The following DLG2 variants were observed in gnomAD, a reference collection of about 807,000 sequenced individuals.
DLG2 encodes the protein discs large MAGUK scaffold protein 2, also known as disks large homolog 2.
Under a neutral mutation model 132.5 loss-of-function variants are expected in DLG2, and 45 were observed. The ratio of observed to expected loss-of-function variants is 0.34; its 90% CI spans 0.27 to 0.44. DLG2 has a LOEUF of 0.44. Ranked by LOEUF, DLG2 falls within the 20% of genes least tolerant of loss-of-function variation. The pLI, the probability that DLG2 is intolerant of heterozygous loss-of-function variation, is 1.00. For missense variants in DLG2, 1,045 were observed against 1,196.9 expected, an observed-to-expected ratio of 0.87 and a Z score of 1.87; for synonymous variants, 424 against 419.6, an observed-to-expected ratio of 1.01 and a Z score of -0.13.
chr11:85,459,314 G>C (rs568272129), intron 3 of DLG2, among the ~76,000 whole-genome samples: 1 of 152,176 alleles, frequency 6.6e-6, no homozygotes, highest in Non-Finnish European at 1.5e-5. Context: ...GGCTCTGCTT[G>C]TTGAGGAGTG....
At chr11:84,771,857 TA>T (rs57186584) in intron 6 of DLG2, among the ~76,000 whole-genome samples, 1 of 150,614 alleles carries the variant, frequency 6.6e-6, no homozygotes, top group Non-Finnish European at 1.5e-5. Flanking sequence ...CAAGTTGGGT[TA>T]AAAAAAAAGA....
intron 3 of DLG2, among the ~76,000 whole-genome samples, chr11:85,313,045 T>C (rs2080416358): frequency 6.6e-6 from 1 of 151,978 alleles, no homozygotes; most frequent in African/African-American, 2.4e-5. Flanking sequence ...TTATGGCTTT[T>C]GAGACGAGAC....
intron 6 of DLG2, among the ~76,000 whole-genome samples, chr11:84,684,209 A>T (rs2153712146): frequency 6.6e-6 from 1 of 152,322 alleles, no homozygotes; most frequent in South Asian, 2.1e-4. Context: ...ATCTGAAATG[A>T]CAAGCTGAGT....
chr11:83,867,626 A>T (rs988564199), intron 16 of DLG2, among the ~76,000 whole-genome samples: 1 of 152,152 alleles, frequency 6.6e-6, no homozygotes, highest in South Asian at 2.1e-4. Context: ...TATTTTTGCT[A>T]TTTTGTTAGT....
chr11:85,420,474 C>T (rs1336147119), intron 3 of DLG2, among the ~76,000 whole-genome samples: 2 of 152,194 alleles, frequency 1.3e-5, no homozygotes, highest in African/African-American at 4.8e-5. Flanking sequence ...GGGAGATCCA[C>T]TGCTATCTTC....
chr11:85,022,362 C>T (rs541599720), intron 6 of DLG2, among the ~76,000 whole-genome samples: 1 of 152,052 alleles, frequency 6.6e-6, no homozygotes, highest in African/African-American at 2.4e-5. Flanking sequence ...TCTCACAGAT[C>T]TAATGAAGAC....
intron 8 of DLG2, among the ~76,000 whole-genome samples, chr11:84,246,056 C>T (rs778522540): frequency 1.2e-3 from 180 of 152,304 alleles, no homozygotes; most frequent in Middle Eastern, 0.01. Context: ...TAGCTACTGT[C>T]CCACCTCCTG....
At chr11:84,950,663 C>A (rs2050795432) in intron 6 of DLG2, among the ~76,000 whole-genome samples, 1 of 152,020 alleles carries the variant, frequency 6.6e-6, no homozygotes, top group Non-Finnish European at 1.5e-5. Context: ...GAGTCAGTTT[C>A]TTTGCTCTTG....
intron 7 of DLG2, among the ~76,000 whole-genome samples, chr11:84,402,300 C>T (rs1180288989): frequency 1.3e-5 from 2 of 152,114 alleles, no homozygotes; most frequent in Non-Finnish European, 2.9e-5. Context: ...CAATCCTCTA[C>T]CACAGTGAGG....
intron 7 of DLG2, among the ~76,000 whole-genome samples, chr11:84,285,992 A>T (rs2097905966): frequency 6.6e-6 from 1 of 152,202 alleles, no homozygotes. Flanking sequence ...GGTAGAAGAC[A>T]CACTGAGTGG....
chr11:84,030,299 C>T (rs1156344735), intron 11 of DLG2, among the ~76,000 whole-genome samples: 1 of 152,046 alleles, frequency 6.6e-6, no homozygotes, highest in Non-Finnish European at 1.5e-5. Context: ...TTTGAAAGAA[C>T]AAATTAACAT....
intron 7 of DLG2, among the ~76,000 whole-genome samples, chr11:84,436,678 T>C (rs2099001787): frequency 1.3e-5 from 2 of 152,256 alleles, no homozygotes; most frequent in South Asian, 2.1e-4. Flanking sequence ...GCATGTAATA[T>C]ACCTTAGGAC....
At chr11:84,737,059 TTTTTGTTTTG>T (rs971102006) in intron 6 of DLG2, among the ~76,000 whole-genome samples, 4 of 151,808 alleles carry the variant, frequency 2.6e-5, no homozygotes, top group African/African-American at 7.3e-5. Context: ...TTGCCAAGAG[TTTTTGTTTTG>T]TTTTGTTTTG....
rs1383072366 is a variant in DLG2, at chr11:84,059,429, T to A, written c.805A>T (p.Ser269Cys). 5.6e-6 allele frequency: 9 copies of A among 1,613,210 alleles called. No homozygotes were observed. The African/African-American group carries it at 1.2e-4, about 22-fold the overall frequency. Residue 269 changes from serine to cysteine, a missense_variant, in exon 11 of 28, where the codon AGT (serine) becomes TGT (cysteine). This residue lies in a region of DLG2 where 109 missense variants were observed against 159.1 expected (regional missense o/e 0.69). Coordinates refer to ENST00000376104, the MANE Select transcript of DLG2 (RefSeq NM_001142699.3). Reference protein sequence around the residue: ...NEVDVSEVSHSKAVEALKEAG... With the variant: ...NEVDVSEVSHCKAVEALKEAG... ...TCCTTCAGGGCTTCCACCGCTTTACTGTGGGAAACCTCTGACACATCAACC... is the reference window on the plus strand; with the variant it reads ...TCCTTCAGGGCTTCCACCGCTTTACAGTGGGAAACCTCTGACACATCAACC...
At chr11:85,153,499 G>A (rs2077399436) in intron 5 of DLG2, among the ~76,000 whole-genome samples, 2 of 151,908 alleles carry the variant, frequency 1.3e-5, no homozygotes, top group Admixed American at 6.6e-5. Flanking sequence ...AATTTTCATT[G>A]TTTCTCACTA....
chr11:84,393,981 G>A (rs1262932558), intron 7 of DLG2, among the ~76,000 whole-genome samples: 3 of 152,082 alleles, frequency 2.0e-5, no homozygotes, highest in Non-Finnish European at 1.5e-5. Context: ...CACCTCCTGG[G>A]TTCAAGCAAT....
chr11:84,643,224 G>A (rs1385147403), intron 6 of DLG2, among the ~76,000 whole-genome samples: 1 of 152,210 alleles, frequency 6.6e-6, no homozygotes, highest in African/African-American at 2.4e-5. Context: ...TGCCAAATCA[G>A]TCTGTCCAGG....
intron 3 of DLG2, among the ~76,000 whole-genome samples, chr11:85,470,227 A>G (rs1215571446): frequency 6.6e-6 from 1 of 151,554 alleles, no homozygotes; most frequent in African/African-American, 2.4e-5. Context: ...TTTTTTTAAT[A>G]AAAATCCCCC....
rs757214411 is a variant in DLG2 at position 83,471,671 on chromosome 11, C to T, written c.2401G>A (p.Asp801Asn). ...TTATCAGGGAATTCAGATATCAAGT[C>T]GTCATTGATCCGATCCTTCATGGGC... is the stretch of plus-strand genomic sequence containing the variant. ...LGPMKDRIND[D>N]LISEFPDKFG... Residue 801 changes from aspartate (D) to asparagine (N), a missense_variant, in exon 24 of 28, where the codon GAC (aspartate) becomes AAC (asparagine). By Grantham distance (23) the Asp-to-Asn change is conservative (BLOSUM62 1). Coordinates refer to ENST00000376104, the MANE Select transcript of DLG2 (RefSeq NM_001142699.3). The T allele has an allele frequency of 6.2e-7, 1 of 1,613,096 alleles. No individual in the cohort carries two copies. Among genetic ancestry groups the T allele is most frequent in the Non-Finnish European group, 8.5e-7 (1 of 1,179,398 alleles).
Sources: gnomAD v4.1 joint callset for allele counts (sites outside exome capture counted in the v4.1 genomes callset) on GRCh38, gnomAD v4.1.1 for gene constraint, gnomAD v4.1.1 regional missense constraint, MANE v1.5 for transcripts, NCBI Gene and HGNC (gene_info 2026-07-23, HGNC 2026-07-21) for gene names.